The following PCDH9 variants were observed in gnomAD, a reference collection of about 807,000 sequenced individuals.
PCDH9 encodes the protein protocadherin-9.
PCDH9 carries 24 observed loss-of-function variants against 70.6 expected under a neutral mutation model. The ratio of observed to expected loss-of-function variants is 0.34; its 90% CI spans 0.25 to 0.48. The LOEUF (loss-of-function observed/expected upper bound fraction) is 0.48. Ranked by LOEUF, PCDH9 falls within the 20% of genes least tolerant of loss-of-function variation. PCDH9 has a pLI of 0.99. For missense variants in PCDH9, 1,281 were observed against 1,503.6 expected, an observed-to-expected ratio of 0.85 and a Z score of 2.45; for synonymous variants, 562 against 558.5, an observed-to-expected ratio of 1.01 and a Z score of -0.09.
chr13:66,674,768 A>G (rs1205439529), intron 3 of PCDH9, among the ~76,000 whole-genome samples: 1 of 152,088 alleles, frequency 6.6e-6, no homozygotes, highest in East Asian at 1.9e-4. Context: ...TCTAATTAGT[A>G]TTCATTTGAT....
At chr13:67,213,362 T>C (rs2138089774) in intron 2 of PCDH9, 1 of 152,038 alleles carries the variant, frequency 6.6e-6, no homozygotes, top group East Asian at 1.9e-4. Context: ...TATACATACT[T>C]GATGCCATGA....
chr13:66,610,010 T>G (rs2077272584), intron 4 of PCDH9, among the ~76,000 whole-genome samples: 1 of 144,732 alleles, frequency 6.9e-6, no homozygotes, highest in East Asian at 2.1e-4. Context: ...CAGGCTGGAG[T>G]GCAGTGGCGA....
intron 4 of PCDH9, among the ~76,000 whole-genome samples, chr13:66,330,565 A>T (rs1955924889): frequency 6.6e-6 from 1 of 152,198 alleles, no homozygotes; most frequent in African/African-American, 2.4e-5. Flanking sequence ...CTAAGGTGAA[A>T]GGAGGAAAAT....
intron 3 of PCDH9, among the ~76,000 whole-genome samples, chr13:66,759,027 G>A (rs1281456021): frequency 6.6e-6 from 1 of 151,586 alleles, no homozygotes; most frequent in Non-Finnish European, 1.5e-5. Flanking sequence ...TCTTAGTGTA[G>A]TTAAAGATTT....
chr13:66,656,717 G>A (rs938368608), intron 3 of PCDH9, among the ~76,000 whole-genome samples: 1 of 152,114 alleles, frequency 6.6e-6, no homozygotes, highest in African/African-American at 2.4e-5. Context: ...CTGTGAAAGT[G>A]CTTCATATTC....
chr13:67,131,925 T>C (rs1594554671), intron 2 of PCDH9, among the ~76,000 whole-genome samples: 1 of 152,156 alleles, frequency 6.6e-6, no homozygotes, highest in South Asian at 2.1e-4. Flanking sequence ...AGAAGACCAT[T>C]TTTCAATAAG....
Position 66,304,458 on chromosome 13 carries a change from T to G in PCDH9, c.*197A>C. 1.8e-6 allele frequency: 1 copy of G among 549,438 alleles called. No individual in the cohort carries two copies. Among genetic ancestry groups the G allele is most frequent in the Non-Finnish European group, 3.2e-6 (1 of 309,874 alleles). The allele number at this position is 549,438 out of a possible 1,614,324, so 34.0% of individuals were successfully genotyped here. On this transcript the variant is annotated 3_prime_UTR_variant, in exon 5 of 5. Coordinates refer to ENST00000377865, the MANE Select transcript of PCDH9 (RefSeq NM_203487.3). Reference sequence around the variant, plus strand: ...CTCTGGAGAGTGTAATCAATTCTAGTAAACAAAATTGCATGGCTAGAACTA... The same window carrying G: ...CTCTGGAGAGTGTAATCAATTCTAGGAAACAAAATTGCATGGCTAGAACTA...
chr13:66,766,882 T>C (rs2139264124), intron 3 of PCDH9, among the ~76,000 whole-genome samples: 1 of 152,128 alleles, frequency 6.6e-6, no homozygotes, highest in East Asian at 1.9e-4. Flanking sequence ...TAACATGGTG[T>C]TAGAGTACCC....
chr13:67,147,744 T>C (rs542065250), intron 2 of PCDH9, among the ~76,000 whole-genome samples: 17 of 152,350 alleles, frequency 1.1e-4, no homozygotes, highest in East Asian at 3.9e-4. Flanking sequence ...ACATTTACAA[T>C]GTCCACTGTT....
chr13:66,588,486 A>T (rs2138807244), intron 4 of PCDH9, among the ~76,000 whole-genome samples: 1 of 91,202 alleles, frequency 1.1e-5, no homozygotes. Context: ...CAAAGGAGAG[A>T]ACGTCATATA....
chr13:67,150,625 C>CA (rs1263777503), intron 2 of PCDH9, among the ~76,000 whole-genome samples: 1 of 152,092 alleles, frequency 6.6e-6, no homozygotes, highest in Non-Finnish European at 1.5e-5. Flanking sequence ...ACAATACATC[C>CA]AAAACATGTG....
At chr13:66,877,478 T>C (rs2081837710) in intron 3 of PCDH9, among the ~76,000 whole-genome samples, 1 of 151,898 alleles carries the variant, frequency 6.6e-6, no homozygotes, top group Admixed American at 6.6e-5. Flanking sequence ...TCATAAGTGG[T>C]CAAAGAACTA....
At chr13:66,791,989 A>G (rs1014237314) in intron 3 of PCDH9, among the ~76,000 whole-genome samples, 1 of 152,228 alleles carries the variant, frequency 6.6e-6, no homozygotes, top group Non-Finnish European at 1.5e-5. Flanking sequence ...TATGAATTTT[A>G]TAATAAAAAT....
intron 3 of PCDH9, among the ~76,000 whole-genome samples, chr13:66,749,648 C>T (rs1008104522): frequency 1.3e-5 from 2 of 152,142 alleles, no homozygotes; most frequent in African/African-American, 4.8e-5. Context: ...AAGTCTCTAA[C>T]ATATTTTAAA....
chr13:66,943,841 T>G (rs1394033577), intron 2 of PCDH9, among the ~76,000 whole-genome samples: 1 of 152,134 alleles, frequency 6.6e-6, no homozygotes, highest in Non-Finnish European at 1.5e-5. Flanking sequence ...GGCACCAATA[T>G]GGGCCAGGAA....
chr13:66,755,825 A>G (rs2079531342), intron 3 of PCDH9, among the ~76,000 whole-genome samples: 1 of 152,174 alleles, frequency 6.6e-6, no homozygotes, highest in Non-Finnish European at 1.5e-5. Context: ...ATTCCAAGGA[A>G]TAAAAAATTG....
intron 3 of PCDH9, among the ~76,000 whole-genome samples, chr13:66,847,636 A>G (rs1217980868): frequency 6.6e-6 from 1 of 152,238 alleles, no homozygotes; most frequent in Non-Finnish European, 1.5e-5. Flanking sequence ...GAAGCATTTT[A>G]TGACGTCTTT....
intron 2 of PCDH9, among the ~76,000 whole-genome samples, chr13:67,026,787 C>A (rs887320347): frequency 1.1e-4 from 17 of 151,490 alleles, no homozygotes; most frequent in African/African-American, 3.4e-4. Context: ...AACAGAGAGC[C>A]AAATCATGAG....
intron 3 of PCDH9, among the ~76,000 whole-genome samples, chr13:66,829,717 CAAAAAAA>C (rs562176354): frequency 1.3e-4 from 7 of 53,128 alleles, no homozygotes; most frequent in Admixed American, 6.8e-4. Context: ...GACTCCGTCT[CAAAAAAA>C]AAAAAAAAAA....
Sources: gnomAD v4.1 joint callset for allele counts (sites outside exome capture counted in the v4.1 genomes callset) on GRCh38, gnomAD v4.1.1 for gene constraint, MANE v1.5 for transcripts, NCBI Gene and HGNC (gene_info 2026-07-23, HGNC 2026-07-21) for gene names.